ACSF3: variants seen among roughly 807,000 people sequenced by gnomAD.
ACSF3 encodes the protein acyl-CoA synthetase family member 3.
In ACSF3, 78 loss-of-function variants were observed where a neutral mutation model predicts 53.2. That is an observed-to-expected ratio of 1.47 (90% CI 1.22 to 1.77). The LOEUF (loss-of-function observed/expected upper bound fraction) is 1.77. Ranked by LOEUF, ACSF3 falls within the 40% of genes most tolerant of loss-of-function variation. The pLI is 0.00. For synonymous variants in ACSF3, 414 were observed against 333.1 expected, an observed-to-expected ratio of 1.24 and a Z score of -2.65; for missense variants, 937 against 771.1, an observed-to-expected ratio of 1.22 and a Z score of -2.55.
chr16:89,108,312 G>A (rs111579077), intron 4 of ACSF3, among the ~76,000 whole-genome samples: 1 of 152,146 alleles, frequency 6.6e-6, no homozygotes, highest in Non-Finnish European at 1.5e-5. Context: ...GGTTCTCCGC[G>A]AAGCACTGTG....
At position 89,114,362 on chromosome 16, in the gene ACSF3, C is replaced by T; in HGVS notation, c.1001C>T (p.Ala334Val). Reference protein sequence around the residue: ...KIRLMVSGSAALPLPVLEKWK... With the variant: ...KIRLMVSGSAVLPLPVLEKWK... ...AGGCTGATGGTCTCAGGCTCAGCTG[C>T]CCTGCCCCTCCCAGTGCTGGAGAAG... The change falls in exon 6 of 11, where the codon GCC becomes GTC. Residue 334 changes from alanine (A) to valine (V), a missense_variant. Coordinates refer to ENST00000614302, the MANE Select transcript of ACSF3 (RefSeq NM_001243279.3). The T allele has an allele frequency of 1.2e-6, 2 of 1,614,084 alleles. No homozygotes were observed. The highest frequency in any genetic ancestry group is 2.2e-5 in the South Asian group (2 of 91,080).
chr16:89,118,946 T>C (rs1905895926), intron 6 of ACSF3, among the ~76,000 whole-genome samples: 1 of 152,184 alleles, frequency 6.6e-6, no homozygotes. Context: ...AGCTCTCATG[T>C]CCACACTGTC....
chr16:89,102,575 G>A (rs1199388899), intron 3 of ACSF3, 29 bp from the exon 4 acceptor site: 1 of 1,612,458 alleles, frequency 6.2e-7, no homozygotes, highest in Non-Finnish European at 8.5e-7. Flanking sequence ...TCTTGCTCTT[G>A]CTCTCAGCTG....
chr16:89,135,318 C>T (rs1463000118), intron 8 of ACSF3, among the ~76,000 whole-genome samples: 3 of 152,222 alleles, frequency 2.0e-5, no homozygotes, highest in Admixed American at 6.5e-5. Context: ...GCAGCCTCTC[C>T]GCCTCATGGC....
chr16:89,142,689 C>T (rs957899748), intron 8 of ACSF3, among the ~76,000 whole-genome samples: 1 of 150,592 alleles, frequency 6.6e-6, no homozygotes, highest in Non-Finnish European at 1.5e-5. Flanking sequence ...ACACCCTCAC[C>T]TGCAGAGATA....
At chr16:89,112,708 G>A (rs1057055220) in intron 5 of ACSF3, among the ~76,000 whole-genome samples, 5 of 151,820 alleles carry the variant, frequency 3.3e-5, no homozygotes, top group African/African-American at 7.3e-5. Context: ...CTTTGTCTCC[G>A]TCTGTCTGTC....
intron 4 of ACSF3, among the ~76,000 whole-genome samples, chr16:89,105,742 C>T (rs540241495): frequency 2.6e-5 from 4 of 152,340 alleles, no homozygotes; most frequent in South Asian, 4.1e-4. Context: ...CGGCCATTGT[C>T]GTGGACCGTG....
At chr16:89,145,011 G>A in intron 8 of ACSF3, 1 of 925,464 alleles carries the variant, frequency 1.1e-6, no homozygotes, top group Non-Finnish European at 1.6e-6. Context: ...GCATGGGGAA[G>A]GGACCCCACA....
chr16:89,123,977 C>T (rs943471636), intron 7 of ACSF3, among the ~76,000 whole-genome samples: 13 of 151,736 alleles, frequency 8.6e-5, no homozygotes, highest in Non-Finnish European at 1.2e-4. Flanking sequence ...ACACGTAGTA[C>T]GCATGGGTAT....
At chr16:89,103,260 T>C (rs1975581432) in intron 4 of ACSF3, among the ~76,000 whole-genome samples, 1 of 152,238 alleles carries the variant, frequency 6.6e-6, no homozygotes, top group South Asian at 2.1e-4. Context: ...CTGCGGCGAA[T>C]GCTCACGCGC....
intron 2 of ACSF3, among the ~76,000 whole-genome samples, chr16:89,100,225 C>G (rs1248760277): frequency 2.0e-5 from 3 of 152,256 alleles, no homozygotes; most frequent in African/African-American, 7.2e-5. Context: ...CGTGTCTGCC[C>G]CGGGGGCGGG....
At chr16:89,133,973 A>AC (rs1369628568) in intron 8 of ACSF3, among the ~76,000 whole-genome samples, 3 of 150,842 alleles carry the variant, frequency 2.0e-5, no homozygotes, top group African/African-American at 4.9e-5. Context: ...CTGCTGCCTG[A>AC]CCCCCCTCCT....
chr16:89,105,868 G>A (rs1265134956), intron 4 of ACSF3, among the ~76,000 whole-genome samples: 1 of 152,248 alleles, frequency 6.6e-6, no homozygotes, highest in Admixed American at 6.5e-5. Context: ...AGTAAAGAGT[G>A]TGTTACCCTC....
intron 7 of ACSF3, among the ~76,000 whole-genome samples, chr16:89,130,656 T>G (rs975999341): frequency 2.0e-5 from 3 of 152,222 alleles, no homozygotes; most frequent in African/African-American, 7.2e-5. Context: ...GCAGGAACCC[T>G]TGTTCCTCTC....
intron 6 of ACSF3, 37 bp from the exon 7 acceptor site, chr16:89,120,764 C>T (rs1476749616): frequency 1.3e-6 from 2 of 1,598,250 alleles, no homozygotes; most frequent in Non-Finnish European, 1.7e-6. Context: ...GTTCCTCTCA[C>T]TCCAGCCTCC....
Position 89,098,695 on chromosome 16 carries a change from G to A in ACSF3, c.-89G>A. 4.4e-6 allele frequency: 2 copies of A among 454,140 alleles called. No homozygotes were observed. Among genetic ancestry groups the A allele is most frequent in the Non-Finnish European group, 8.8e-6 (2 of 226,790 alleles). 28.1% of individuals were successfully genotyped at this position (454,140 alleles called of 1,614,324 possible). On this transcript the variant is annotated 5_prime_UTR_variant, in exon 2 of 11. Transcript: ENST00000614302. ...TTATCGTGCCCTTCCACCTGCTGAA[G>A]CAGCTGTGCCTGCCGCTCTTGTGAA...
intron 10 of ACSF3, 104 bp from the exon 11 acceptor site, chr16:89,153,986 G>T: frequency 8.1e-7 from 1 of 1,238,484 alleles, no homozygotes; most frequent in South Asian, 1.3e-5. Flanking sequence ...CGCCTGGCAA[G>T]GCTGCAGGGT....
chr16:89,103,993 G>A (rs149341875), intron 4 of ACSF3, among the ~76,000 whole-genome samples: 3 of 152,310 alleles, frequency 2.0e-5, no homozygotes, highest in African/African-American at 7.2e-5. Context: ...ATCGGGCCTC[G>A]CCTGTCAGTT....
At chr16:89,133,953 C>T (rs551155425) in intron 8 of ACSF3, among the ~76,000 whole-genome samples, 2 of 152,292 alleles carry the variant, frequency 1.3e-5, no homozygotes, top group South Asian at 2.1e-4. Context: ...CCTGAGCCTG[C>T]CCTGAGCTGC....
Sources: gnomAD v4.1 joint callset for allele counts (sites outside exome capture counted in the v4.1 genomes callset) on GRCh38, gnomAD v4.1.1 for gene constraint, MANE v1.5 for transcripts, NCBI Gene and HGNC (gene_info 2026-07-23, HGNC 2026-07-21) for gene names.